Variants in PLA1A observed in about 807,000 individuals in gnomAD.
PLA1A encodes the protein phospholipase A1 member A, also known as phosphatidylserine-specific phospholipase A1alpha.
A neutral mutation model predicts 49.4 loss-of-function variants in PLA1A; 47 were observed. That is an observed-to-expected ratio of 0.95 (90% CI 0.75 to 1.21). The LOEUF is 1.21. Ranked by LOEUF, PLA1A falls within the 50% of genes most tolerant of loss-of-function variation. PLA1A has a pLI of 0.00. For missense variants in PLA1A, 561 were observed against 563.9 expected (o/e 0.99, Z 0.05); for synonymous variants, 224 against 207.9 (o/e 1.08, Z -0.67).
At chr3:119,629,250 AC>A in intron 10 of PLA1A, 133 bp from the exon 11 acceptor site, 1 of 688,384 alleles carries the variant, frequency 1.5e-6, no homozygotes, top group Non-Finnish European at 2.6e-6. Flanking sequence ...GGGCACTTGG[AC>A]CACAGGAACT....
At chr3:119,602,951 A>G (rs1455935387) in intron 1 of PLA1A, among the ~76,000 whole-genome samples, 2 of 152,198 alleles carry the variant, frequency 1.3e-5, no homozygotes, top group Non-Finnish European at 2.9e-5. Context: ...CAGAAGGAAC[A>G]GCCGGGCAAA....
At chr3:119,600,495 C>T (rs1270806918) in intron 1 of PLA1A, 2 of 684,708 alleles carry the variant, frequency 2.9e-6, no homozygotes, top group Non-Finnish European at 5.3e-6. Context: ...GCTTATTTTC[C>T]CTTTCTCCGC....
intron 8 of PLA1A, among the ~76,000 whole-genome samples, chr3:119,622,146 GGAGGAA>G (rs1265434172): frequency 1.6e-4 from 19 of 120,928 alleles, no homozygotes; most frequent in South Asian, 2.5e-4. Context: ...AGGAGGAGGA[GGAGGAA>G]GAAGAAGAAG....
intron 9 of PLA1A, among the ~76,000 whole-genome samples, chr3:119,627,797 A>C (rs942698751): frequency 1.3e-5 from 2 of 152,212 alleles, no homozygotes; most frequent in Non-Finnish European, 2.9e-5. Context: ...CACCACCCTC[A>C]GGATCTGCTG....
chr3:119,624,833 G>T (rs913822366), intron 8 of PLA1A, among the ~76,000 whole-genome samples: 1 of 152,160 alleles, frequency 6.6e-6, no homozygotes, highest in African/African-American at 2.4e-5. Flanking sequence ...GTTTCACCAT[G>T]TTGGTCAGAC....
At chr3:119,598,949 C>T (rs1271018405) in intron 1 of PLA1A, among the ~76,000 whole-genome samples, 1 of 152,182 alleles carries the variant, frequency 6.6e-6, no homozygotes, top group African/African-American at 2.4e-5. Context: ...TGTGCTTTCT[C>T]CTACCTCAAT....
chr3:119,629,315 C>T, intron 10 of PLA1A, 69 bp from the exon 11 acceptor site: 1 of 901,068 alleles, frequency 1.1e-6, no homozygotes, highest in Admixed American at 1.7e-5. Context: ...CATGGGAATT[C>T]AAAAGCCACA....
chr3:119,624,962 C>T (rs2052495038), intron 8 of PLA1A, among the ~76,000 whole-genome samples, 162 bp from the exon 9 acceptor site: 1 of 152,220 alleles, frequency 6.6e-6, no homozygotes, highest in African/African-American at 2.4e-5. Flanking sequence ...TCAATTTGCA[C>T]TTGAGGAAAC....
At chr3:119,622,342 C>A (rs933021126) in intron 8 of PLA1A, among the ~76,000 whole-genome samples, 1 of 147,788 alleles carries the variant, frequency 6.8e-6, no homozygotes, top group Admixed American at 6.6e-5. Context: ...GCTATTTTTT[C>A]CACATTGCAA....
chr3:119,629,457 G>A lies in PLA1A; in HGVS notation c.1360G>A (p.Ala454Thr). The change falls in exon 11 of 11, where the codon GCC becomes ACC. Residue 454 changes from alanine (A) to threonine (T), a missense_variant. Coordinates refer to ENST00000273371, the MANE Select transcript of PLA1A (RefSeq NM_015900.4). ...GACTGTTTCCTGTGACCTGAAGATAGCCTGTGTGTAGTTTAACCTGGGCAG... is the reference window on the plus strand; with the variant it reads ...GACTGTTTCCTGTGACCTGAAGATAACCTGTGTGTAGTTTAACCTGGGCAG... ...SVTVSCDLKI[A>T]CV is the part of the protein sequence containing the mutation. 1 of 1,596,760 alleles carries A rather than the reference G, an allele frequency of 6.3e-7. No individual in the cohort carries two copies. Among genetic ancestry groups the A allele is most frequent in the Non-Finnish European group, 8.6e-7 (1 of 1,165,392 alleles).
chr3:119,606,966 A>G lies in PLA1A; in HGVS notation c.266A>G (p.His89Arg), dbSNP rs1207222331. 2 of 1,613,178 alleles carry G rather than the reference A, an allele frequency of 1.2e-6. No homozygotes were observed. Among genetic ancestry groups the G allele is most frequent in the African/African-American group, 2.7e-5 (2 of 74,916 alleles). The change falls in exon 2 of 11, where the codon CAT becomes CGT. Residue 89 changes from histidine (H) to arginine (R), a missense_variant. His to Arg is a conservative substitution (Grantham distance 29). Coordinates refer to ENST00000273371, the MANE Select transcript of PLA1A (RefSeq NM_015900.4). ...NATLGTKLIIHGFRVLGTKPS... is the reference protein window; with the variant it reads ...NATLGTKLIIRGFRVLGTKPS... Reference sequence around the variant, plus strand: ...ACTCTGGGAACCAAACTAATTATCCATGGATTCAGGTGGGAGTTAAATAAC... The same window carrying G: ...ACTCTGGGAACCAAACTAATTATCCGTGGATTCAGGTGGGAGTTAAATAAC...
chr3:119,609,396 G>A (rs1228674925), intron 3 of PLA1A, 72 bp from the exon 4 acceptor site: 3 of 953,186 alleles, frequency 3.1e-6, no homozygotes, highest in African/African-American at 3.2e-5. Flanking sequence ...TGAAGCTTTG[G>A]GGGAAAGCCT....
At chr3:119,629,013 A>G in intron 10 of PLA1A, 148 bp downstream of exon 10, 1 of 715,916 alleles carries the variant, frequency 1.4e-6, no homozygotes, top group Non-Finnish European at 2.4e-6. Context: ...TGTTTTCCAG[A>G]ACCTCCTGTG....
At chr3:119,620,798 G>C (rs762459661) in intron 8 of PLA1A, among the ~76,000 whole-genome samples, 2 of 152,172 alleles carry the variant, frequency 1.3e-5, no homozygotes, top group Admixed American at 6.5e-5. Flanking sequence ...GTCAACTGTG[G>C]GCTTTTCATG....
chr3:119,625,151 T>A lies in PLA1A; in HGVS notation c.1040T>A (p.Leu347Ter). 5 of 1,613,424 alleles carry A rather than the reference T, an allele frequency of 3.1e-6. No individual in the cohort carries two copies. The highest frequency in any genetic ancestry group is 4.2e-6 in the Non-Finnish European group (5 of 1,179,390). Residue 347 changes from leucine (L) to a stop codon, truncating the protein, a stop_gained, in exon 9 of 11, where the codon TTG becomes TAG. Transcript: ENST00000273371. LOFTEE classifies it high-confidence loss of function. ...CATCACAGCCTCGTGGAGTTTCACT[T>A]GAAGGAACTGAGAAACAAGGACACC... ...CMHHSLVEFH[L>*]KELRNKDTNI...
chr3:119,609,545 G>A lies in PLA1A; in HGVS notation c.531G>A (p.Gln177=), dbSNP rs750310822. The A allele has an allele frequency of 3.1e-6, 5 of 1,608,184 alleles. No homozygotes were observed. In the South Asian group the frequency reaches 3.3e-5, roughly 11 times the overall value. Residue 177 remains glutamine (Q), a synonymous_variant, in exon 4 of 11, where the codon CAG becomes CAA. Transcript: ENST00000273371. The part of the protein sequence containing the change: ...LGAHVGGMVG[Q]LFGGQLGQIT... ...CCCACGTTGGGGGCATGGTGGGACA[G>A]CTCTTCGGAGGCCAGCTGGGACAGA... is the stretch of plus-strand genomic sequence containing the variant.
At chr3:119,620,894 C>A (rs996523647) in intron 8 of PLA1A, among the ~76,000 whole-genome samples, 2 of 152,200 alleles carry the variant, frequency 1.3e-5, no homozygotes, top group African/African-American at 2.4e-5. Context: ...CAAGTCTCCA[C>A]AGCTGGATGA....
At chr3:119,627,205 G>T (rs548266102) in intron 9 of PLA1A, among the ~76,000 whole-genome samples, 2 of 152,288 alleles carry the variant, frequency 1.3e-5, no homozygotes, top group South Asian at 4.1e-4. Flanking sequence ...ACCAGAACAT[G>T]ATTCACTTCT....
At chr3:119,608,494 A>G (rs2082724292) in intron 2 of PLA1A, among the ~76,000 whole-genome samples, 1 of 152,234 alleles carries the variant, frequency 6.6e-6, no homozygotes, top group Admixed American at 6.5e-5. Flanking sequence ...GCTGACATCC[A>G]AGCTAAGTTC....
Sources: gnomAD v4.1 joint callset for allele counts (sites outside exome capture counted in the v4.1 genomes callset) on GRCh38, gnomAD v4.1.1 for gene constraint, MANE v1.5 for transcripts, NCBI Gene and HGNC (gene_info 2026-07-23, HGNC 2026-07-21) for gene names.